NLRP8: variants seen among roughly 807,000 people sequenced by gnomAD.
NLRP8 encodes the protein NLR family pyrin domain containing 8, also known as NACHT, LRR and PYD domains-containing protein 8.
A neutral mutation model predicts 88.7 loss-of-function variants in NLRP8; 86 were observed. The observed-to-expected ratio is 0.97, with a 90% confidence interval of 0.81 to 1.16. The LOEUF is 1.16. NLRP8 is among the 50% of genes most tolerant of loss of function. NLRP8 has a pLI of 0.00. For synonymous variants in NLRP8, 504 were observed against 494.6 expected, an observed-to-expected ratio of 1.02 and a Z score of -0.25; for missense variants, 1,342 against 1,286.5, an observed-to-expected ratio of 1.04 and a Z score of -0.66.
intron 5 of NLRP8, among the ~76,000 whole-genome samples, chr19:55,967,841 A>T (rs1305214222): frequency 6.6e-6 from 1 of 152,262 alleles, no homozygotes; most frequent in Admixed American, 6.5e-5. Context: ...ATTAAACAAC[A>T]AAAGTCATAG....
intron 3 of NLRP8, among the ~76,000 whole-genome samples, chr19:55,961,623 G>A (rs991741594): frequency 2.0e-5 from 3 of 147,168 alleles, no homozygotes; most frequent in African/African-American, 7.9e-5. Flanking sequence ...GTAACATGGA[G>A]AATCCCTGTT....
rs996461676 is a variant in NLRP8 at position 55,976,277 on chromosome 19, C to A, written c.2850C>A (p.Asn950Lys). Residue 950 changes from asparagine (N) to lysine (K), a missense_variant, in exon 8 of 10, where the codon AAC (asparagine) becomes AAA (lysine). Physicochemically the swap from Asn to Lys is moderately conservative, Grantham distance 94. Coordinates refer to ENST00000291971, the MANE Select transcript of NLRP8 (RefSeq NM_176811.2). ...TCCTGCTGTGTGAGGCCCTGAAGAACCCTGACTGTACATTACAGATCCTGG... is the reference window on the plus strand; with the variant it reads ...TCCTGCTGTGTGAGGCCCTGAAGAAACCTGACTGTACATTACAGATCCTGG... The A allele has an allele frequency of 3.1e-6, 5 of 1,611,514 alleles. No individual in the cohort carries two copies. Among genetic ancestry groups the A allele is most frequent in the Non-Finnish European group, 2.5e-6 (3 of 1,179,270 alleles).
chr19:55,969,375 C>T (rs943292161), intron 5 of NLRP8, among the ~76,000 whole-genome samples: 1 of 152,104 alleles, frequency 6.6e-6, no homozygotes, highest in African/African-American at 2.4e-5. Flanking sequence ...GTTTTCCATC[C>T]CTGAGTTACT....
At chr19:55,962,043 T>C in intron 3 of NLRP8, 24 bp from the exon 4 acceptor site, 1 of 1,606,140 alleles carries the variant, frequency 6.2e-7, no homozygotes, top group Non-Finnish European at 8.5e-7. Context: ...AAGAGGTGTT[T>C]TCTCTCTTCT....
rs1267111607 is a variant in NLRP8 at position 55,988,157 on chromosome 19, C to T, written c.*244C>T. 1.1e-5 allele frequency: 3 copies of T among 283,318 alleles called. No individual in the cohort carries two copies. The highest frequency in any genetic ancestry group is 2.2e-5 in the African/African-American group (1 of 45,192). The allele number at this position is 283,318 out of a possible 1,614,324, so 17.6% of individuals were successfully genotyped here. A position where few individuals can be genotyped will look rare whatever the true frequency, so the allele number is the denominator to read the frequency against. On this transcript the variant is annotated 3_prime_UTR_variant, in exon 10 of 10. Coordinates refer to ENST00000291971, the MANE Select transcript of NLRP8 (RefSeq NM_176811.2). ...CCTGTAACCCAGCACTATGGGAGGT[C>T]GAGGTGGGCAGATTACCTGAGGTCA...
chr19:55,957,671 AATTATATATATATATATATATATATATAT>A (rs1441578923), intron 3 of NLRP8, among the ~76,000 whole-genome samples: 1 of 55,368 alleles, frequency 1.8e-5, no homozygotes, highest in African/African-American at 8.9e-5. Context: ...AAAAAATAAT[AATTATATATATATATATATATATATATAT>A]ATATATATAT....
intron 9 of NLRP8, among the ~76,000 whole-genome samples, chr19:55,985,814 G>A (rs1287253039): frequency 2.6e-5 from 4 of 152,072 alleles, no homozygotes; most frequent in South Asian, 2.1e-4. Flanking sequence ...TCAGGAGTTC[G>A]AGATCAGTTT....
intron 4 of NLRP8, among the ~76,000 whole-genome samples, chr19:55,965,830 G>A (rs957391575): frequency 5.6e-5 from 3 of 53,606 alleles, no homozygotes; most frequent in East Asian, 1.2e-3. Flanking sequence ...CAGAGGCCCC[G>A]GTATGTGATG....
chr19:55,981,692 A>T (rs892800973), intron 9 of NLRP8, among the ~76,000 whole-genome samples: 1 of 152,198 alleles, frequency 6.6e-6, no homozygotes, highest in Non-Finnish European at 1.5e-5. Context: ...TACTGGAAAA[A>T]GGAAATCACC....
intron 4 of NLRP8, among the ~76,000 whole-genome samples, chr19:55,965,604 C>T (rs1204975704): frequency 6.6e-6 from 1 of 152,006 alleles, no homozygotes; most frequent in African/African-American, 2.4e-5. Flanking sequence ...TTAAGAAAGC[C>T]TTTGTAGACC....
rs1271317488 is a variant in NLRP8 at position 55,952,552 on chromosome 19, T to TTGAA, written c.384_385insAATG (p.Glu129AsnfsTer22). On this transcript the variant is annotated frameshift_variant, in exon 2 of 10. Transcript: ENST00000291971. LOFTEE classifies it high-confidence loss of function. ...TTCTGTTACAGCCATTCTGCCTACC[T>TTGAA]TGGAACCAGAGGACTTGAATGTGGG... is the stretch of plus-strand genomic sequence containing the variant. 1.9e-6 allele frequency: 3 copies of TTGAA among 1,613,810 alleles called. No individual in the cohort carries two copies. In the African/African-American group the frequency reaches 4.0e-5, roughly 22 times the overall value.
chr19:55,983,545 T>G (rs554774053), intron 9 of NLRP8, among the ~76,000 whole-genome samples: 2 of 147,714 alleles, frequency 1.4e-5, no homozygotes, highest in African/African-American at 2.5e-5. Context: ...CTGAAACCAG[T>G]AGATGGAGAC....
intron 5 of NLRP8, among the ~76,000 whole-genome samples, chr19:55,967,623 A>G (rs535161491): frequency 2.2e-4 from 29 of 133,522 alleles, no homozygotes; most frequent in Non-Finnish European, 4.4e-4. Context: ...TTGTTTCTGA[A>G]TCTTAGCTAT....
intron 3 of NLRP8, among the ~76,000 whole-genome samples, chr19:55,958,409 G>T (rs977322470): frequency 6.6e-6 from 1 of 152,202 alleles, no homozygotes; most frequent in African/African-American, 2.4e-5. Context: ...TTTAAGTTCT[G>T]TTCCATTCTT....
chr19:55,960,578 C>T lies in NLRP8; in HGVS notation c.2043-1489C>T, dbSNP rs575373341. ...TGACATCCGTAGAAATCTTAAGACA[C>T]GACATATTTCTTTCATGTTGGTTAG... On this transcript the variant is annotated intron_variant, in intron 3 of 9. Transcript: ENST00000291971. Among the ~76,000 whole-genome samples the T allele has an allele frequency of 6.6e-5, 10 of 152,090 alleles. No individual in the cohort carries two copies. In the East Asian group the frequency reaches 1.2e-3, roughly 18 times the overall value.
At chr19:55,962,400 G>A (rs1205773846) in intron 4 of NLRP8, among the ~76,000 whole-genome samples, 163 bp downstream of exon 4, 1 of 152,234 alleles carries the variant, frequency 6.6e-6, no homozygotes, top group African/African-American at 2.4e-5. Flanking sequence ...GCGTGGTGAA[G>A]GAAACCACAC....
chr19:55,966,403 G>A (rs977646422), intron 5 of NLRP8, 23 bp downstream of exon 5: 4 of 1,610,618 alleles, frequency 2.5e-6, no homozygotes, highest in East Asian at 2.2e-5. Context: ...AGGGGGGTTA[G>A]AGTGGGAACC....
intron 9 of NLRP8, among the ~76,000 whole-genome samples, chr19:55,987,051 C>A (rs534777518): frequency 6.6e-6 from 1 of 152,228 alleles, no homozygotes; most frequent in East Asian, 1.9e-4. Flanking sequence ...AGTCTCTCGT[C>A]CTTTTCAGAC....
chr19:55,966,220 C>A lies in NLRP8; in HGVS notation c.2221C>A (p.Arg741Ser). The A allele has an allele frequency of 6.2e-7, 1 of 1,613,876 alleles. No individual in the cohort carries two copies. The highest frequency in any genetic ancestry group is 8.5e-7 in the Non-Finnish European group (1 of 1,179,850). The stretch of plus-strand genomic sequence containing the variant: ...ACGCTCTTCCCTCTCCAGCCTAAGG[C>A]GTGTGAATAGCACCATGTTGAACCA... The change falls in exon 5 of 10, where the codon CGT (arginine) becomes AGT (serine). Residue 741 changes from arginine (R) to serine (S), a missense_variant. Arg to Ser is a moderately radical substitution (Grantham distance 110). Transcript: ENST00000291971.
Sources: gnomAD v4.1 joint callset for allele counts (sites outside exome capture counted in the v4.1 genomes callset) on GRCh38, gnomAD v4.1.1 for gene constraint, MANE v1.5 for transcripts, NCBI Gene and HGNC (gene_info 2026-07-23, HGNC 2026-07-21) for gene names.